Variants in XKR9 observed in about 807,000 individuals in gnomAD.
The protein encoded by XKR9 is XK related 9, also known as XK-related protein 9.
In XKR9, 32 loss-of-function variants were observed where a neutral mutation model predicts 32.0. The ratio of observed to expected loss-of-function variants is 1.00; its 90% confidence interval spans 0.76 to 1.34. The LOEUF (loss-of-function observed/expected upper bound fraction) is 1.34, where lower values mean the gene tolerates loss of function less well. Among genes scored for constraint, XKR9 ranks in the 40% most tolerant of loss-of-function variants. The probability of loss-of-function intolerance (pLI) is 0.00; values close to 1 mark genes in which losing one functional copy is unlikely to be tolerated. For synonymous variants in XKR9, 168 were observed against 143.4 expected (o/e 1.17, Z -1.22); for missense variants, 546 against 429.7 (o/e 1.27, Z -2.39).
the XKR9 span, among the ~76,000 whole-genome samples, chr8:70,890,520 T>C: frequency 6.6e-6 from 1 of 151,968 alleles, no homozygotes; most frequent in Non-Finnish European, 1.5e-5. Flanking sequence ...TTATAAAGGA[T>C]GTTGAATTTT....
the XKR9 span, among the ~76,000 whole-genome samples, chr8:71,002,285 G>T: frequency 1.5e-5 from 2 of 133,790 alleles, no homozygotes; most frequent in African/African-American, 2.6e-5. Flanking sequence ...CTACGAGGAA[G>T]GGCTCACCAT....
intron 3 of XKR9, among the ~76,000 whole-genome samples, chr8:70,684,518 A>G (rs951589162): frequency 6.6e-6 from 1 of 151,982 alleles, no homozygotes; most frequent in African/African-American, 2.4e-5. Flanking sequence ...ATTATTTTGA[A>G]CTGTTATCTG....
chr8:70,771,360 A>C lies in XKR9; in HGVS notation n.353-17979A>C, dbSNP rs975631034. 2.6e-5 allele frequency among the ~76,000 whole-genome samples: 4 copies of C among 152,162 alleles called. No individual in the cohort carries two copies. The South Asian group carries it at 6.2e-4, about 24-fold the overall frequency. On this transcript the variant is annotated intron_variant and non_coding_transcript_variant, in intron 2 of 3. Coordinates refer to the XKR9 transcript ENST00000520273. ...AGACTGGAGCTGTTCCTATTCGGCC[A>C]TCTAGAAAGTTATTTTTACAAAGCC...
the XKR9 span, among the ~76,000 whole-genome samples, chr8:70,889,410 A>G: frequency 6.6e-6 from 1 of 150,850 alleles, no homozygotes; most frequent in Non-Finnish European, 1.5e-5. Context: ...TTATCGTTTC[A>G]CCTTTTATTT....
the XKR9 span, among the ~76,000 whole-genome samples, chr8:71,016,068 C>T: frequency 6.7e-6 from 1 of 150,112 alleles, no homozygotes; most frequent in Non-Finnish European, 1.5e-5. Context: ...CATTTTCCCC[C>T]CCGGTATTAC....
the XKR9 span, among the ~76,000 whole-genome samples, chr8:70,944,060 G>A: frequency 6.6e-6 from 1 of 151,964 alleles, no homozygotes; most frequent in Non-Finnish European, 1.5e-5. Flanking sequence ...GTTTCTATGA[G>A]TCTTTTGCAA....
chr8:70,702,999 A>G (rs572433142), intron 3 of XKR9, among the ~76,000 whole-genome samples: 1 of 151,896 alleles, frequency 6.6e-6, no homozygotes, highest in Non-Finnish European at 1.5e-5. Flanking sequence ...TTTTTTCTCT[A>G]TTTTTCAGGC....
intron 2 of XKR9, among the ~76,000 whole-genome samples, chr8:70,741,523 T>G (rs952054390): frequency 3.9e-5 from 6 of 152,258 alleles, no homozygotes; most frequent in African/African-American, 1.2e-4. Context: ...CTTAGTTCGT[T>G]GAGCATAATG....
At chr8:70,738,983 G>A (rs1806914239), downstream of XKR9, among the ~76,000 whole-genome samples, 1 of 152,142 alleles carries the variant, frequency 6.6e-6, no homozygotes, top group Admixed American at 6.5e-5. Context: ...ATGTCTATTA[G>A]GTCCGCTTGG....
intron 3 of XKR9, among the ~76,000 whole-genome samples, chr8:70,697,313 T>G (rs1408742949): frequency 2.0e-5 from 3 of 151,120 alleles, no homozygotes; most frequent in Non-Finnish European, 3.0e-5. Flanking sequence ...TGATATTGGC[T>G]GTGGGTTTGT....
At chr8:71,027,782 G>C in the XKR9 span, among the ~76,000 whole-genome samples, 26 of 48,366 alleles carry the variant, frequency 5.4e-4, no homozygotes, top group Admixed American at 1.6e-3. Flanking sequence ...TTTTTGGCGG[G>C]GGGGGGGGGT....
At chr8:70,744,440 C>A (rs1227569680) in intron 2 of XKR9, among the ~76,000 whole-genome samples, 1 of 152,078 alleles carries the variant, frequency 6.6e-6, no homozygotes. Flanking sequence ...TCATCACTAC[C>A]CTTTAACTGG....
At chr8:70,939,598 C>T in the XKR9 span, among the ~76,000 whole-genome samples, 2 of 152,020 alleles carry the variant, frequency 1.3e-5, no homozygotes, top group Non-Finnish European at 2.9e-5. Flanking sequence ...CTGACAATCT[C>T]TATTTTATAG....
downstream of XKR9, among the ~76,000 whole-genome samples, chr8:70,740,650 G>A (rs2130160786): frequency 6.6e-6 from 1 of 152,116 alleles, no homozygotes; most frequent in Non-Finnish European, 1.5e-5. Context: ...TTTTGGTGTG[G>A]ATGTCCTTTC....
At position 70,735,916 on chromosome 8, in the gene XKR9, A is replaced by G. The variant is rs1480080852; in HGVS notation, c.*1492A>G. The G allele has an allele frequency of 3.9e-5, 6 of 151,912 alleles. No homozygotes were observed. In the South Asian group the frequency reaches 6.2e-4, roughly 16 times the overall value. The allele number at this position is 151,912 out of a possible 1,614,324, so 9.4% of individuals were successfully genotyped here. A position where few individuals can be genotyped will look rare whatever the true frequency, so the allele number is the denominator to read the frequency against. On this transcript the variant is annotated 3_prime_UTR_variant, in exon 5 of 5. Transcript: ENST00000408926. ...CTTTGCTATTGTGAATAGTGCTGCA[A>G]TAAACATACGTGTGCATGTGTCTTT...
At chr8:70,877,287 A>C in the XKR9 span, among the ~76,000 whole-genome samples, 2 of 152,330 alleles carry the variant, frequency 1.3e-5, no homozygotes, top group South Asian at 4.1e-4. Context: ...ATTACAATTT[A>C]AGGTTAGATT....
At chr8:70,694,787 A>G (rs268609) in intron 3 of XKR9, among the ~76,000 whole-genome samples, 152,251 of 152,350 alleles carry the variant, frequency 1, 76,077 homozygotes, top group Middle Eastern at 1. Context: ...GTTCAGCCCC[A>G]TAGATTCAGC....
At chr8:70,705,044 C>G (rs1211017126) in intron 3 of XKR9, among the ~76,000 whole-genome samples, 1 of 152,100 alleles carries the variant, frequency 6.6e-6, no homozygotes, top group Non-Finnish European at 1.5e-5. Flanking sequence ...AAAATATGCT[C>G]CTTTTTGCCA....
chr8:70,798,861 G>C, the XKR9 span, among the ~76,000 whole-genome samples: 1 of 152,130 alleles, frequency 6.6e-6, no homozygotes, highest in South Asian at 2.1e-4. Context: ...TGGTTGTTGA[G>C]GTACAGCTTT....
Sources: gnomAD v4.1 joint callset for allele counts (sites outside exome capture counted in the v4.1 genomes callset) on GRCh38, gnomAD v4.1.1 for gene constraint, MANE v1.5 for transcripts, NCBI Gene and HGNC (gene_info 2026-07-23, HGNC 2026-07-21) for gene names.